Variants in ATP8A2 observed in about 807,000 individuals in gnomAD.
ATP8A2 encodes phospholipid-transporting ATPase IB.
ATP8A2 carries 100 observed loss-of-function variants against 165.6 expected under a neutral mutation model. The ratio of observed to expected loss-of-function variants is 0.60; its 90% CI spans 0.51 to 0.71. ATP8A2 has a LOEUF of 0.71. Among genes scored for constraint, ATP8A2 ranks in the 30% least tolerant of loss-of-function variants. The pLI, the probability that ATP8A2 is intolerant of heterozygous loss-of-function variation, is 0.00. For synonymous variants in ATP8A2, 543 were observed against 548.8 expected (o/e 0.99, Z 0.15); for missense variants, 1,227 against 1,479.5 (o/e 0.83, Z 2.80).
intron 4 of ATP8A2, among the ~76,000 whole-genome samples, chr13:25,531,209 T>TGTTATATATGATATAC (rs2038036031): frequency 7.0e-6 from 1 of 142,386 alleles, no homozygotes; most frequent in African/African-American, 2.6e-5. Flanking sequence ...ATATGATATA[T>TGTTATATATGATATAC]GTTATATATG....
chr13:25,547,268 A>C (rs1005994992), intron 10 of ATP8A2, among the ~76,000 whole-genome samples: 1 of 152,020 alleles, frequency 6.6e-6, no homozygotes, highest in African/African-American at 2.4e-5. Flanking sequence ...TGTGGCTGTG[A>C]AGAACCAGGC....
chr13:25,406,958 C>T (rs894320447), intron 1 of ATP8A2, among the ~76,000 whole-genome samples: 4 of 152,220 alleles, frequency 2.6e-5, no homozygotes, highest in African/African-American at 7.2e-5. Context: ...TGGCTCCAGC[C>T]TGTTACCGCT....
intron 1 of ATP8A2, among the ~76,000 whole-genome samples, chr13:25,414,693 A>G (rs1263699046): frequency 6.6e-6 from 1 of 152,224 alleles, no homozygotes; most frequent in Non-Finnish European, 1.5e-5. Flanking sequence ...GGTTTCTTAA[A>G]TATTAATAAT....
chr13:25,748,578 A>G (rs1338613369), intron 25 of ATP8A2, among the ~76,000 whole-genome samples: 2 of 152,212 alleles, frequency 1.3e-5, no homozygotes, highest in Non-Finnish European at 2.9e-5. Flanking sequence ...TTAATTGTTT[A>G]GTGCAGAACG....
intron 2 of ATP8A2, among the ~76,000 whole-genome samples, chr13:25,498,552 C>T (rs1382784925): frequency 6.6e-6 from 1 of 152,118 alleles, no homozygotes; most frequent in Non-Finnish European, 1.5e-5. Flanking sequence ...TCTTTTTGGT[C>T]ATAGAATTGG....
chr13:25,830,151 G>A (rs1229277703), intron 28 of ATP8A2, among the ~76,000 whole-genome samples: 1 of 151,620 alleles, frequency 6.6e-6, no homozygotes, highest in Non-Finnish European at 1.5e-5. Context: ...TGGGACCATG[G>A]GCAAATGCCA....
intron 33 of ATP8A2, among the ~76,000 whole-genome samples, chr13:25,956,010 C>T (rs985673530): frequency 1.3e-5 from 2 of 152,110 alleles, no homozygotes; most frequent in African/African-American, 2.4e-5. Context: ...ATAACTAGAA[C>T]CAATGACAAA....
chr13:25,798,126 G>A (rs1950534650), intron 27 of ATP8A2, among the ~76,000 whole-genome samples: 1 of 152,118 alleles, frequency 6.6e-6, no homozygotes, highest in East Asian at 1.9e-4. Context: ...CTCAATGCAA[G>A]GTTCCTTCAC....
At position 25,601,756 on chromosome 13, in the gene ATP8A2, C is replaced by T. The variant is rs111829331; in HGVS notation, c.2211+12057C>T. On this transcript the variant is annotated intron_variant, in intron 24 of 36. Coordinates refer to ENST00000381655, the MANE Select transcript of ATP8A2 (RefSeq NM_016529.6). ...AAGTGCTAGGATTACAGGCGTGAGC[C>T]ACTGCGCCCGGCCAGAAATGCTTGT... 5.8e-3 allele frequency among the ~76,000 whole-genome samples: 880 copies of T among 152,338 alleles called. 8 individuals are homozygous for T. Among genetic ancestry groups the T allele is most frequent in the African/African-American group, 0.02 (836 of 41,576 alleles).
At chr13:25,942,097 A>T (rs542552675) in intron 33 of ATP8A2, among the ~76,000 whole-genome samples, 19 of 152,374 alleles carry the variant, frequency 1.2e-4, no homozygotes, top group African/African-American at 4.6e-4. Context: ...GGTTTAAAAA[A>T]AAACAACTGT....
At chr13:26,015,639 C>T (rs998290745) in intron 36 of ATP8A2, among the ~76,000 whole-genome samples, 2 of 152,062 alleles carry the variant, frequency 1.3e-5, no homozygotes, top group African/African-American at 2.4e-5. Context: ...ATGTTCTACC[C>T]GGAGAAGACA....
In ATP8A2 at chr13:25,432,426, T is replaced by C. The variant is rs556990627; in HGVS notation, c.77-36551T>C. ...TAGAACAGAAACCCCAGCCACTGCA[T>C]GTCAGGTGACATTCTTTCCTTGGGG... is the stretch of plus-strand genomic sequence containing the variant. On this transcript the variant is annotated intron_variant, in intron 1 of 36. Coordinates refer to ENST00000381655, the MANE Select transcript of ATP8A2 (RefSeq NM_016529.6). Among the ~76,000 whole-genome samples the C allele has an allele frequency of 2.0e-5, 3 of 152,346 alleles. No homozygotes were observed. The East Asian group carries it at 5.8e-4, about 29-fold the overall frequency.
At chr13:25,937,207 C>A (rs1414941272) in intron 33 of ATP8A2, among the ~76,000 whole-genome samples, 1 of 151,886 alleles carries the variant, frequency 6.6e-6, no homozygotes, top group Non-Finnish European at 1.5e-5. Flanking sequence ...ACATTAAATG[C>A]CATACAAAAA....
At chr13:25,780,974 T>G (rs531058132) in intron 27 of ATP8A2, among the ~76,000 whole-genome samples, 1 of 152,186 alleles carries the variant, frequency 6.6e-6, no homozygotes, top group Non-Finnish European at 1.5e-5. Context: ...ACTGGCAGTT[T>G]GTTTTCTGTG....
chr13:25,490,027 G>A (rs915207436), intron 2 of ATP8A2, among the ~76,000 whole-genome samples: 2 of 152,182 alleles, frequency 1.3e-5, no homozygotes, highest in Non-Finnish European at 2.9e-5. Flanking sequence ...ATACTGTCTT[G>A]GTGCTTGGTG....
intron 25 of ATP8A2, among the ~76,000 whole-genome samples, chr13:25,739,668 G>A (rs536098415): frequency 2.6e-5 from 4 of 152,076 alleles, no homozygotes; most frequent in African/African-American, 9.6e-5. Context: ...TATGAGGATT[G>A]GTATGATGTA....
intron 1 of ATP8A2, among the ~76,000 whole-genome samples, chr13:25,451,272 T>C (rs2035217213): frequency 1.3e-5 from 2 of 151,430 alleles, no homozygotes. Context: ...CTAGTTTCCA[T>C]TACAAATTCA....
rs7325007 is a variant in ATP8A2, at chr13:26,023,501, C to T, written c.*3516C>T. 147,325 of 152,266 alleles carry T rather than the reference C, an allele frequency of 0.97. 71,286 individuals are homozygous for T. The highest frequency in any genetic ancestry group is 1 in the East Asian group (5,154 of 5,172). The allele number at this position is 152,266 out of a possible 1,614,324, so 9.4% of individuals were successfully genotyped here. A position where few individuals can be genotyped will look rare whatever the true frequency, so the allele number is the denominator to read the frequency against. Reference sequence around the variant, plus strand: ...GAAAAATGCGGGGGGGTGGAAAGAGCCTAGGTAACTAATGTCTTATAATGC... The same window carrying T: ...GAAAAATGCGGGGGGGTGGAAAGAGTCTAGGTAACTAATGTCTTATAATGC... On this transcript the variant is annotated 3_prime_UTR_variant, in exon 37 of 37. Transcript: ENST00000381655.
intron 19 of ATP8A2, among the ~76,000 whole-genome samples, chr13:25,576,847 A>G (rs2039631762): frequency 6.6e-6 from 1 of 152,134 alleles, no homozygotes; most frequent in East Asian, 1.9e-4. Flanking sequence ...GTCCTAGTCT[A>G]TTTTCATGGC....
Sources: allele counts gnomAD v4.1 joint callset (sites outside exome capture counted in the v4.1 genomes callset), GRCh38; gene constraint gnomAD v4.1.1; transcripts MANE v1.5; gene names NCBI Gene and HGNC (gene_info 2026-07-23, HGNC 2026-07-21).